Variants in CRYAB observed in about 807,000 individuals in gnomAD.
CRYAB encodes the protein crystallin alpha B.
In CRYAB, 9 loss-of-function variants were observed where a neutral mutation model predicts 12.7. The ratio of observed to expected loss-of-function variants is 0.71; its 90% confidence interval spans 0.43 to 1.24. The LOEUF (loss-of-function observed/expected upper bound fraction) is 1.24, where lower values mean the gene tolerates loss of function less well. Ranked by LOEUF, CRYAB falls within the 50% of genes most tolerant of loss-of-function variation. CRYAB has a pLI of 0.00. For synonymous variants in CRYAB, 93 were observed against 86.8 expected (o/e 1.07, Z -0.40); for missense variants, 183 against 226.6 (o/e 0.81, Z 1.24).
upstream of CRYAB, among the ~76,000 whole-genome samples, chr11:111,917,414 TG>T (rs1456053074): frequency 1.1e-4 from 17 of 152,060 alleles, no homozygotes; most frequent in African/African-American, 4.1e-4. Flanking sequence ...GTGCAATGAT[TG>T]GGGCACAAGA....
At chr11:111,913,194 G>T (rs570230145), upstream of CRYAB, 5 of 602,736 alleles carry the variant, frequency 8.3e-6, 1 homozygote, top group East Asian at 1.1e-4. Flanking sequence ...CACCCAGGCC[G>T]TTTGGTGCCT....
At chr11:111,918,409 G>A (rs1370649974) in intron 1 of CRYAB, among the ~76,000 whole-genome samples, 1 of 152,144 alleles carries the variant, frequency 6.6e-6, no homozygotes, top group East Asian at 1.9e-4. Flanking sequence ...TGCCCACATC[G>A]ATTTCAAATA....
rs17850134 is a variant in CRYAB at position 111,910,438 on chromosome 11, C to A, written c.213G>T (p.Glu71Asp). Residue 71 changes from glutamate (E) to aspartate (D), a missense_variant, in exon 2 of 3, where the codon GAG (glutamate) becomes GAT (aspartate). By Grantham distance (45) the Glu-to-Asp change is conservative. This residue lies in a region of CRYAB where 86 missense variants were observed against 96.1 expected (regional missense o/e 0.89). Transcript: ENST00000650687. ...FDTGLSEMRL[E>D]KDRFSVNLDV... ...CCAGGTTGACAGAGAACCTGTCCTT[C>A]TCCAGGCGCATCTAGAAATAGCAAG... The A allele has an allele frequency of 6.2e-7, 1 of 1,614,206 alleles. No individual in the cohort carries two copies. The highest frequency in any genetic ancestry group is 8.5e-7 in the Non-Finnish European group (1 of 1,180,040).
chr11:111,914,864 C>T (rs782419001), upstream of CRYAB, among the ~76,000 whole-genome samples: 1 of 152,062 alleles, frequency 6.6e-6, no homozygotes, highest in Non-Finnish European at 1.5e-5. Flanking sequence ...TCACTTGAGC[C>T]CAAGAGTAAG....
upstream of CRYAB, chr11:111,923,726 T>C (rs1287213642): frequency 6.6e-6 from 1 of 152,262 alleles, no homozygotes; most frequent in Non-Finnish European, 1.5e-5. Context: ...CCCTGTTCTG[T>C]AGACAAAGTT....
At chr11:111,922,580 T>G (rs1230043642) in intron 1 of CRYAB, among the ~76,000 whole-genome samples, 1 of 152,228 alleles carries the variant, frequency 6.6e-6, no homozygotes, top group Non-Finnish European at 1.5e-5. Flanking sequence ...AAACATACCT[T>G]TTTACTAACT....
rs1264081192 is a variant in CRYAB at position 111,911,715 on chromosome 11, C to T, written c.10G>A (p.Ala4Thr). ...CGGCGGATCCAGGGGTGGTGGATGG[C>T]GATGTCCATGGTGGCTAGGTGAGTG... Reference protein sequence around the residue: MDIAIHHPWIRRPF... With the variant: MDITIHHPWIRRPF... The change falls in exon 1 of 3, where the codon GCC becomes ACC. Residue 4 changes from alanine to threonine, a missense_variant. Physicochemically the swap from Ala to Thr is moderately conservative, Grantham distance 58. This residue lies in a region of CRYAB where 86 missense variants were observed against 96.1 expected (regional missense o/e 0.89). Coordinates refer to ENST00000650687, the MANE Select transcript of CRYAB (RefSeq NM_001289808.2). The T allele has an allele frequency of 7.6e-6, 12 of 1,584,966 alleles. No individual in the cohort carries two copies. The highest frequency in any genetic ancestry group is 2.3e-5 in the East Asian group (1 of 43,888).
chr11:111,913,198 G>T, upstream of CRYAB: 1 of 602,610 alleles, frequency 1.7e-6, no homozygotes, highest in South Asian at 2.0e-5. Context: ...CAGGCCGTTT[G>T]GTGCCTCCTC....
upstream of CRYAB, chr11:111,913,683 G>C (rs781794984): frequency 2.5e-6 from 4 of 1,614,036 alleles, no homozygotes; most frequent in Non-Finnish European, 3.4e-6. Flanking sequence ...CCACGGCTTC[G>C]TGTCCCGAGA....
intron 2 of CRYAB, among the ~76,000 whole-genome samples, chr11:111,909,458 G>T (rs1214980023): frequency 6.6e-6 from 1 of 152,118 alleles, no homozygotes; most frequent in Non-Finnish European, 1.5e-5. Flanking sequence ...GAAACAGCCT[G>T]AGGACATTAC....
intron 1 of CRYAB, among the ~76,000 whole-genome samples, chr11:111,919,468 T>TCAA (rs781925126): frequency 3.3e-4 from 49 of 150,298 alleles, no homozygotes; most frequent in African/African-American, 7.7e-4. Flanking sequence ...CGAGACTGTC[T>TCAA]CAACAACAAC....
intron 1 of CRYAB, 69 bp downstream of exon 1, chr11:111,911,455 A>G (rs2137384017): frequency 6.6e-7 from 1 of 1,509,860 alleles, no homozygotes; most frequent in South Asian, 1.2e-5. Context: ...GTAGGAAAGG[A>G]AAATGGATGG....
upstream of CRYAB, among the ~76,000 whole-genome samples, chr11:111,917,345 A>C (rs1219189381): frequency 6.6e-6 from 1 of 152,192 alleles, no homozygotes; most frequent in Non-Finnish European, 1.5e-5. Context: ...AAAAGGATAC[A>C]GTTAATGGTA....
chr11:111,917,647 T>A (rs79367954), upstream of CRYAB, among the ~76,000 whole-genome samples: 6,111 of 136,562 alleles, frequency 0.045, 383 homozygotes, highest in African/African-American at 0.15. Context: ...CACATTAATT[T>A]AAAAAAAAAA....
chr11:111,921,419 T>C (rs1555166558), intron 1 of CRYAB, among the ~76,000 whole-genome samples: 1 of 152,208 alleles, frequency 6.6e-6, no homozygotes, highest in African/African-American at 2.4e-5. Flanking sequence ...AGCCACTTCA[T>C]AAAGAATGTT....
chr11:111,915,662 C>T (rs1555166064), upstream of CRYAB, among the ~76,000 whole-genome samples: 1 of 152,218 alleles, frequency 6.6e-6, no homozygotes, highest in African/African-American at 2.4e-5. Context: ...CATTCAAATG[C>T]TTTTAAAGTT....
upstream of CRYAB, among the ~76,000 whole-genome samples, chr11:111,914,887 G>A (rs1161326114): frequency 6.6e-6 from 1 of 152,068 alleles, no homozygotes; most frequent in African/African-American, 2.4e-5. Context: ...ACCAGCCTGG[G>A]CAATAGAGTG....
chr11:111,915,666 T>C (rs1269097625), upstream of CRYAB, among the ~76,000 whole-genome samples: 3 of 152,262 alleles, frequency 2.0e-5, no homozygotes, highest in African/African-American at 4.8e-5. Flanking sequence ...CAAATGCTTT[T>C]AAAGTTATTA....
chr11:111,913,412 C>T (rs575404020), upstream of CRYAB: 131 of 1,552,112 alleles, frequency 8.4e-5, 2 homozygotes, highest in South Asian at 1.4e-3. Context: ...CTCCCTCATC[C>T]TGCCTCTTGC....
Sources: allele counts gnomAD v4.1 joint callset (sites outside exome capture counted in the v4.1 genomes callset), GRCh38; gene constraint gnomAD v4.1.1; regional missense constraint gnomAD v4.1.1; transcripts MANE v1.5; gene names NCBI Gene and HGNC (gene_info 2026-07-23, HGNC 2026-07-21).